The following GGA3 variants were observed in gnomAD, a reference collection of about 807,000 sequenced individuals.
GGA3 encodes golgi associated, gamma adaptin ear containing, ARF binding protein 3, also known as ADP-ribosylation factor-binding protein GGA3.
Under a neutral mutation model 77.5 loss-of-function variants are expected in GGA3, and 57 were observed. The ratio of observed to expected loss-of-function variants is 0.74; its 90% CI spans 0.59 to 0.92. The LOEUF (loss-of-function observed/expected upper bound fraction) is 0.92. Among genes scored for constraint, GGA3 ranks in the 40% least tolerant of loss-of-function variants. The pLI, the probability that GGA3 is intolerant of heterozygous loss-of-function variation, is 0.00. For synonymous variants in GGA3, 416 were observed against 383.7 expected (o/e 1.08, Z -0.98); for missense variants, 970 against 914.9 (o/e 1.06, Z -0.78).
chr17:75,249,547 T>A (rs1003069706), intron 1 of GGA3, among the ~76,000 whole-genome samples: 4 of 152,200 alleles, frequency 2.6e-5, no homozygotes, highest in African/African-American at 9.7e-5. Context: ...CTCCCACCAA[T>A]TGTCTGAAAT....
At chr17:75,248,256 G>A (rs1305529353) in intron 1 of GGA3, among the ~76,000 whole-genome samples, 1 of 151,586 alleles carries the variant, frequency 6.6e-6, no homozygotes, top group African/African-American at 2.4e-5. Context: ...CGGATCACGA[G>A]GTCAGGAGAT....
chr17:75,256,900 G>T (rs560602282), intron 1 of GGA3, among the ~76,000 whole-genome samples: 2 of 150,734 alleles, frequency 1.3e-5, no homozygotes, highest in African/African-American at 5.0e-5. Flanking sequence ...GAAGGCCACC[G>T]CAGTCATTTC....
Position 75,237,289 on chromosome 17 carries a change from G to C in GGA3, c.*990C>G. On this transcript the variant is annotated 3_prime_UTR_variant, in exon 17 of 17. Transcript: ENST00000537686. ...GGGGAACAGTTGAGGTTTCTGGGCAGCACATTAGGACATATGTCTAGTGTA... is the reference window on the plus strand; with the variant it reads ...GGGGAACAGTTGAGGTTTCTGGGCACCACATTAGGACATATGTCTAGTGTA... 3.2e-6 allele frequency: 2 copies of C among 618,810 alleles called. No individual in the cohort carries two copies. Among genetic ancestry groups the C allele is most frequent in the South Asian group, 3.8e-5 (2 of 52,330 alleles). The allele number at this position is 618,810 out of a possible 1,614,324, so 38.3% of individuals were successfully genotyped here. A position where few individuals can be genotyped will look rare whatever the true frequency, so the allele number is the denominator to read the frequency against.
chr17:75,239,434 G>T lies in GGA3; in HGVS notation c.1721C>A (p.Pro574Gln), dbSNP rs776324450. The change falls in exon 14 of 17, where the codon CCG (proline) becomes CAG (glutamine). Residue 574 changes from proline to glutamine, a missense_variant. Pro to Gln is a moderately conservative substitution (Grantham distance 76, BLOSUM62 -1). Transcript: ENST00000537686. ...GGCCAGGGAGAGCTCAGGCCCCTTC[G>T]GGGGGCTGCCCTGGGACTGGAAACT... ...PLSFQSQGSPPKGPELSLASI... is the reference protein window; with the variant it reads ...PLSFQSQGSPQKGPELSLASI... The T allele has an allele frequency of 1.9e-6, 3 of 1,578,260 alleles. No homozygotes were observed. Among genetic ancestry groups the T allele is most frequent in the East Asian group, 2.2e-5 (1 of 44,674 alleles).
At position 75,238,529 on chromosome 17, in the gene GGA3, G is replaced by A. The variant is rs115313049; in HGVS notation, c.2061+123C>T. 8.4e-4 allele frequency: 808 copies of A among 960,026 alleles called. 4 individuals are homozygous for A. The African/African-American group carries it at 0.012, about 14-fold the overall frequency. The allele number at this position is 960,026 out of a possible 1,614,324, so 59.5% of individuals were successfully genotyped here. The stretch of plus-strand genomic sequence containing the variant: ...ACCATGCTCAGACACTTAACCTAAG[G>A]CAGCAAAGGGATGTGTCAATCCTAC... On this transcript the variant is annotated intron_variant, in intron 16 of 16. Coordinates refer to ENST00000537686, the MANE Select transcript of GGA3 (RefSeq NM_138619.4).
intron 1 of GGA3, chr17:75,248,892 G>A (rs1464554001): frequency 1.0e-6 from 1 of 985,064 alleles, no homozygotes; most frequent in African/African-American, 1.7e-5. Context: ...CTGGCAACAG[G>A]GCTGCAGGGA....
intron 1 of GGA3, among the ~76,000 whole-genome samples, chr17:75,248,456 G>A (rs1408585297): frequency 2.4e-4 from 7 of 29,020 alleles, no homozygotes; most frequent in South Asian, 1.4e-3. Flanking sequence ...GGGCGACAGC[G>A]AGACTCCGTC....
chr17:75,257,300 T>C (rs1452846002), intron 1 of GGA3, among the ~76,000 whole-genome samples: 1 of 101,228 alleles, frequency 9.9e-6, no homozygotes. Context: ...AAAAAAAACC[T>C]GTCATCATCC....
At position 75,244,726 on chromosome 17, in the gene GGA3, G is replaced by A. The variant is rs769718734; in HGVS notation, c.202-9C>T. 1.6e-5 allele frequency: 25 copies of A among 1,599,890 alleles called. No individual in the cohort carries two copies. In the Admixed American group the frequency reaches 2.7e-4, roughly 17 times the overall value. Reference sequence around the variant, plus strand: ...ATGCATGCCTCCAGCACCTGTAGCCGCACAGAGGAGAGGCGCTCAGTGAGG... The same window carrying A: ...ATGCATGCCTCCAGCACCTGTAGCCACACAGAGGAGAGGCGCTCAGTGAGG... On this transcript the variant is annotated splice_polypyrimidine_tract_variant and intron_variant, in intron 3 of 16. Coordinates refer to ENST00000537686, the MANE Select transcript of GGA3 (RefSeq NM_138619.4).
At chr17:75,247,173 T>C (rs1419679627) in intron 1 of GGA3, among the ~76,000 whole-genome samples, 1 of 152,056 alleles carries the variant, frequency 6.6e-6, no homozygotes, top group African/African-American at 2.4e-5. Context: ...ATGAGCTCAG[T>C]GTTAAGCAAG....
chr17:75,238,983 C>T lies in GGA3; in HGVS notation c.1881G>A (p.Val627=), dbSNP rs776982366. The change falls in exon 15 of 17, where the codon GTG becomes GTA. Residue 627 remains valine (V), a synonymous_variant. Transcript: ENST00000537686. The stretch of plus-strand genomic sequence containing the variant: ...GAGCCGTGTTCAGCATGGACACCAC[C>T]ACCACCAGCACGTCAGGTCGTCCTG... ...CPPGRPDVLV[V]VVSMLNTAPL... is the part of the protein sequence containing the mutation. The T allele has an allele frequency of 6.8e-6, 11 of 1,614,132 alleles. No homozygotes were observed. In the Admixed American group the frequency reaches 1.8e-4, roughly 27 times the overall value.
In GGA3 at chr17:75,237,468, G is replaced by A. The variant is rs1179690013; in HGVS notation, c.*811C>T. 6.5e-7 allele frequency: 1 copy of A among 1,533,946 alleles called. No individual in the cohort carries two copies. The highest frequency in any genetic ancestry group is 2.0e-5 in the Admixed American group (1 of 50,994). On this transcript the variant is annotated 3_prime_UTR_variant, in exon 17 of 17. Transcript: ENST00000537686. Reference sequence around the variant, plus strand: ...TTTATTTCATGCCAAGCAAGAGGTAGTCAGTAGGATGGCCTGTCCCCACGG... The same window carrying A: ...TTTATTTCATGCCAAGCAAGAGGTAATCAGTAGGATGGCCTGTCCCCACGG...
intron 1 of GGA3, among the ~76,000 whole-genome samples, chr17:75,255,544 AC>A (rs1187377782): frequency 2.0e-5 from 3 of 151,960 alleles, no homozygotes; most frequent in African/African-American, 7.3e-5. Flanking sequence ...AATCACCCTT[AC>A]CCCGCTCAAT....
At chr17:75,245,439 C>A (rs2076720698) in intron 3 of GGA3, among the ~76,000 whole-genome samples, 2 of 152,220 alleles carry the variant, frequency 1.3e-5, no homozygotes, top group Non-Finnish European at 2.9e-5. Flanking sequence ...AGGACCCCCA[C>A]CCCGATGTGT....
intron 16 of GGA3, 48 bp downstream of exon 16, chr17:75,238,604 G>T (rs756652233): frequency 2.2e-6 from 3 of 1,337,802 alleles, no homozygotes; most frequent in Non-Finnish European, 3.2e-6. Flanking sequence ...TCCTAATCTG[G>T]GGCAGCTGGG....
chr17:75,242,487 G>T lies in GGA3; in HGVS notation c.610-14C>A, dbSNP rs1247315801. ...CCGTGCCTCGTCCTGCCCCAGTGAA[G>T]AAGTTCAAGAGAAAGAGAGCGTCAC... On this transcript the variant is annotated splice_polypyrimidine_tract_variant and intron_variant, in intron 7 of 16. Coordinates refer to ENST00000537686, the MANE Select transcript of GGA3 (RefSeq NM_138619.4). The T allele has an allele frequency of 6.2e-7, 1 of 1,614,162 alleles. No homozygotes were observed. Among genetic ancestry groups the T allele is most frequent in the Admixed American group, 1.7e-5 (1 of 60,026 alleles).
In GGA3 at chr17:75,237,928, A is replaced by ACCCCCCCAC; in HGVS notation, c.*350_*351insGTGGGGGGG. ...CTCTCTTTAGAGACTCCCACCCCCC[A>ACCCCCCCAC]CCCCCCACCCCAGTGGCTTCAGTGA... On this transcript the variant is annotated 3_prime_UTR_variant, in exon 17 of 17. Transcript: ENST00000537686. The ACCCCCCCAC allele has an allele frequency of 3.0e-6, 1 of 331,514 alleles. No individual in the cohort carries two copies. The highest frequency in any genetic ancestry group is 3.7e-5 in the African/African-American group (1 of 26,876). The allele number at this position is 331,514 out of a possible 1,614,324, so 20.5% of individuals were successfully genotyped here.
At chr17:75,248,000 G>C (rs2076814301) in intron 1 of GGA3, among the ~76,000 whole-genome samples, 1 of 152,056 alleles carries the variant, frequency 6.6e-6, no homozygotes, top group Admixed American at 6.5e-5. Flanking sequence ...TTAGGGCTTT[G>C]GGTTCTGAAG....
chr17:75,249,668 C>A (rs2076892526), intron 1 of GGA3, among the ~76,000 whole-genome samples: 1 of 152,176 alleles, frequency 6.6e-6, no homozygotes, highest in Non-Finnish European at 1.5e-5. Flanking sequence ...GAGAAGCAAT[C>A]CCCATCCCCC....
Sources: gnomAD v4.1 joint callset for allele counts (sites outside exome capture counted in the v4.1 genomes callset) on GRCh38, gnomAD v4.1.1 for gene constraint, MANE v1.5 for transcripts, NCBI Gene and HGNC (gene_info 2026-07-23, HGNC 2026-07-21) for gene names.